CFAP47: variants seen among roughly 807,000 people sequenced by gnomAD.
The protein encoded by CFAP47 is cilia- and flagella-associated protein 47.
Under a neutral mutation model 148.1 loss-of-function variants are expected in CFAP47, and 29 were observed. The observed-to-expected ratio is 0.20, with a 90% CI of 0.15 to 0.27. The LOEUF (loss-of-function observed/expected upper bound fraction) is 0.27. Among genes scored for constraint, CFAP47 ranks in the 10% least tolerant of loss-of-function variants. The pLI, the probability that CFAP47 is intolerant of heterozygous loss-of-function variation, is 1.00. For synonymous variants in CFAP47, 664 were observed against 577.3 expected, an observed-to-expected ratio of 1.15 and a Z score of -2.15; for missense variants, 1,872 against 1,697.5, an observed-to-expected ratio of 1.10 and a Z score of -1.81.
chrX:36,140,572 C>T (rs770792666), intron 35 of CFAP47, among the ~76,000 whole-genome samples: 1 of 111,405 alleles, frequency 9.0e-6, no homozygotes, highest in South Asian at 3.8e-4. Flanking sequence ...TTCCAATGCC[C>T]TAACTCTTTA....
chrX:36,298,938 A>G lies in CFAP47; in HGVS notation c.7687-39A>G, dbSNP rs2146956254. 8 of 893,540 alleles carry G rather than the reference A, an allele frequency of 9.0e-6. No individual in the cohort carries two copies. The South Asian group carries it at 1.4e-4, about 15-fold the overall frequency. The allele number at this position is 893,540 out of a possible 1,213,427, so 73.6% of individuals were successfully genotyped here. Reference sequence around the variant, plus strand: ...TTCATAGTATAATGACTCCATGCTGACACTAAAAGTTGATTACATATTTGT... The same window carrying G: ...TTCATAGTATAATGACTCCATGCTGGCACTAAAAGTTGATTACATATTTGT... On this transcript the variant is annotated intron_variant, in intron 51 of 63. Coordinates refer to ENST00000378653, the MANE Select transcript of CFAP47 (RefSeq NM_001304548.2).
In CFAP47 at chrX:36,228,763, C is replaced by A. The variant is rs1555991893; in HGVS notation, c.6953C>A (p.Pro2318Gln). The A allele has an allele frequency of 3.8e-6, 2 of 524,776 alleles. No homozygotes were observed. Among genetic ancestry groups the A allele is most frequent in the East Asian group, 3.6e-5 (1 of 27,664 alleles). 43.2% of individuals were successfully genotyped at this position (524,776 alleles called of 1,213,427 possible). The part of the protein sequence containing the change: ...YVEGIVNEEQ[P>Q]EAKFEFETPA... The stretch of plus-strand genomic sequence containing the variant: ...GAAGGTATTGTGAATGAAGAACAAC[C>A]AGAGGCCAAATTTGAGTTTGAAACA... Residue 2318 changes from proline to glutamine, a missense_variant, in exon 46 of 64, where the codon CCA becomes CAA. Pro to Gln is a moderately conservative substitution (Grantham distance 76). Coordinates refer to ENST00000378653, the MANE Select transcript of CFAP47 (RefSeq NM_001304548.2).
rs190975435 is a variant in CFAP47 at position 36,311,140 on chromosome X, C to T, written c.8344+151C>T. Among the ~76,000 whole-genome samples the T allele has an allele frequency of 1.4e-4, 16 of 111,104 alleles. No homozygotes were observed. The East Asian group carries it at 1.7e-3, about 12-fold the overall frequency. ...AAAAGAGAAAACAAGATTTGAGAGACGCAGTATTTTGGCTGAAATCACAGC... is the reference window on the plus strand; with the variant it reads ...AAAAGAGAAAACAAGATTTGAGAGATGCAGTATTTTGGCTGAAATCACAGC... On this transcript the variant is annotated intron_variant, in intron 56 of 63. Coordinates refer to ENST00000378653, the MANE Select transcript of CFAP47 (RefSeq NM_001304548.2).
chrX:36,120,395 T>C (rs1394205846), intron 33 of CFAP47, among the ~76,000 whole-genome samples: 1 of 111,544 alleles, frequency 9.0e-6, no homozygotes, highest in Non-Finnish European at 1.9e-5. Flanking sequence ...ATTATTTCTC[T>C]TTTTCTACTA....
chrX:36,380,270 A>G (rs913012128), intron 63 of CFAP47, among the ~76,000 whole-genome samples: 8 of 112,439 alleles, frequency 7.1e-5, no homozygotes, highest in Non-Finnish European at 1.5e-4. Flanking sequence ...ATAATTAGCC[A>G]GTGCCATAGG....
intron 58 of CFAP47, among the ~76,000 whole-genome samples, chrX:36,349,763 C>T (rs782280293): frequency 4.4e-4 from 49 of 111,224 alleles, no homozygotes; most frequent in African/African-American, 1.6e-3. Context: ...GCTATAGTAC[C>T]TCTCATTAAA....
At chrX:36,054,008 G>T (rs1309244032) in intron 26 of CFAP47, among the ~76,000 whole-genome samples, 1 of 112,310 alleles carries the variant, frequency 8.9e-6, no homozygotes, top group Non-Finnish European at 1.9e-5. Context: ...TGTGAAGTTG[G>T]TTGGAGAACC....
chrX:36,116,310 G>C (rs189850254), intron 33 of CFAP47, among the ~76,000 whole-genome samples: 1 of 112,116 alleles, frequency 8.9e-6, no homozygotes, highest in Non-Finnish European at 1.9e-5. Context: ...GTGAGAACAC[G>C]TGGTATTTGG....
At chrX:36,049,419 T>C (rs1381069368) in intron 26 of CFAP47, among the ~76,000 whole-genome samples, 1 of 109,723 alleles carries the variant, frequency 9.1e-6, no homozygotes, top group African/African-American at 3.3e-5. Context: ...CTATATGTCA[T>C]ATATAGATTT....
chrX:36,234,660 A>T (rs1384628298), intron 46 of CFAP47, among the ~76,000 whole-genome samples: 1 of 112,006 alleles, frequency 8.9e-6, no homozygotes, highest in Non-Finnish European at 1.9e-5. Flanking sequence ...GCTGGTGAGG[A>T]GCTGCGTTCC....
At chrX:36,031,842 A>G (rs1410398737) in intron 23 of CFAP47, among the ~76,000 whole-genome samples, 3 of 110,315 alleles carry the variant, frequency 2.7e-5, no homozygotes, top group Non-Finnish European at 5.7e-5. Context: ...CATGCATAAA[A>G]AAGAAGCTCA....
intron 33 of CFAP47, among the ~76,000 whole-genome samples, chrX:36,109,709 C>T (rs1446116697): frequency 3.6e-5 from 4 of 111,280 alleles, no homozygotes; most frequent in Non-Finnish European, 7.5e-5. Flanking sequence ...CTCCTGACCT[C>T]GTGATCCACC....
At chrX:36,101,647 A>G (rs1000265993) in intron 32 of CFAP47, among the ~76,000 whole-genome samples, 8 of 111,563 alleles carry the variant, frequency 7.2e-5, no homozygotes, top group African/African-American at 2.6e-4. Flanking sequence ...AAGGGGGTTT[A>G]AAGAGACTCC....
intron 57 of CFAP47, among the ~76,000 whole-genome samples, chrX:36,321,049 A>G (rs1322162082): frequency 8.9e-6 from 1 of 112,006 alleles, no homozygotes; most frequent in Non-Finnish European, 1.9e-5. Flanking sequence ...AAGAAAGGAA[A>G]TCAGTACATT....
intron 8 of CFAP47, among the ~76,000 whole-genome samples, chrX:35,964,940 G>T (rs907537397): frequency 9.0e-6 from 1 of 110,843 alleles, no homozygotes; most frequent in South Asian, 3.7e-4. Flanking sequence ...TACTATGTTT[G>T]TCTAATAAGT....
At chrX:36,038,442 T>C (rs1937364204) in intron 24 of CFAP47, among the ~76,000 whole-genome samples, 1 of 112,312 alleles carries the variant, frequency 8.9e-6, no homozygotes, top group South Asian at 3.7e-4. Flanking sequence ...AACTATCTTT[T>C]CTCTTATTAA....
rs761705259 is a variant in CFAP47 at position 36,145,964 on chromosome X, G to A, written c.5670+611G>A. 2.2e-4 allele frequency among the ~76,000 whole-genome samples: 24 copies of A among 110,044 alleles called. No homozygotes were observed. The South Asian group carries it at 9.2e-3, about 42-fold the overall frequency. On this transcript the variant is annotated intron_variant, in intron 36 of 63. Coordinates refer to ENST00000378653, the MANE Select transcript of CFAP47 (RefSeq NM_001304548.2). Reference sequence around the variant, plus strand: ...AGAAAGCCTCCTCTTCTTTGTGTTTGGTTTGTGTTAGTAAATACTGAGGTT... The same window carrying A: ...AGAAAGCCTCCTCTTCTTTGTGTTTAGTTTGTGTTAGTAAATACTGAGGTT...
At chrX:36,103,523 A>AC (rs1938414822) in intron 32 of CFAP47, among the ~76,000 whole-genome samples, 1 of 103,158 alleles carries the variant, frequency 9.7e-6, no homozygotes, top group African/African-American at 3.5e-5. Flanking sequence ...AAAAAAAAAA[A>AC]AAAAAACATC....
intron 57 of CFAP47, among the ~76,000 whole-genome samples, chrX:36,347,635 A>G (rs1556016794): frequency 9.0e-6 from 1 of 111,731 alleles, no homozygotes; most frequent in Non-Finnish European, 1.9e-5. Flanking sequence ...TTGCAGGGAC[A>G]TGGATGAAGC....
Sources: gnomAD v4.1 joint callset for allele counts (sites outside exome capture counted in the v4.1 genomes callset) on GRCh38, gnomAD v4.1.1 for gene constraint, MANE v1.5 for transcripts, NCBI Gene and HGNC (gene_info 2026-07-23, HGNC 2026-07-21) for gene names.